The following RBM24 variants were observed in gnomAD, a reference collection of about 807,000 sequenced individuals.
The protein encoded by RBM24 is RNA-binding protein 24.
In RBM24, 5 loss-of-function variants were observed where a neutral mutation model predicts 23.6. The ratio of observed to expected loss-of-function variants is 0.21; its 90% CI spans 0.11 to 0.45. The LOEUF is 0.45. RBM24 is among the 20% of genes least tolerant of loss of function. The probability of loss-of-function intolerance (pLI) is 0.99; values close to 1 mark genes in which losing one functional copy is unlikely to be tolerated. For synonymous variants in RBM24, 151 were observed against 129.5 expected, an observed-to-expected ratio of 1.17 and a Z score of -1.13; for missense variants, 252 against 314.6, an observed-to-expected ratio of 0.80 and a Z score of 1.51.
At chr6:17,282,319 C>CGG (rs1760048532) in intron 1 of RBM24, 2 of 1,163,572 alleles carry the variant, frequency 1.7e-6, no homozygotes, top group Admixed American at 4.6e-5. Context: ...ATTCAGCTGC[C>CGG]GAAGAGCAGG....
chr6:17,286,088 A>T (rs1018931099), intron 3 of RBM24, among the ~76,000 whole-genome samples: 7 of 152,198 alleles, frequency 4.6e-5, no homozygotes, highest in African/African-American at 1.7e-4. Context: ...AAAAGAAATT[A>T]ATAATAACTT....
chr6:17,282,426 C>T (rs1312626478), intron 1 of RBM24: 3 of 508,734 alleles, frequency 5.9e-6, no homozygotes, highest in African/African-American at 2.0e-5. Flanking sequence ...TTAAAGCAAA[C>T]GGTGCCTCTG....
Position 17,282,793 on chromosome 6 carries a change from T to G in RBM24, c.169-12T>G. The G allele has an allele frequency of 6.2e-7, 1 of 1,614,036 alleles. No homozygotes were observed. The highest frequency in any genetic ancestry group is 1.7e-5 in the Admixed American group (1 of 60,026). On this transcript the variant is annotated splice_polypyrimidine_tract_variant and intron_variant, in intron 1 of 3. Transcript: ENST00000379052. ...GGTTATGTATGTATGTCTGTGTGTG[T>G]CTGTTGCTAAGGTCACCATGGCTGA...
At chr6:17,283,733 C>T (rs1262885186) in intron 2 of RBM24, among the ~76,000 whole-genome samples, 1 of 152,098 alleles carries the variant, frequency 6.6e-6, no homozygotes, top group Admixed American at 6.5e-5. Flanking sequence ...GGTAAACCTT[C>T]AACATAAAAT....
intron 3 of RBM24, chr6:17,290,846 T>C: frequency 7.8e-7 from 1 of 1,289,590 alleles, no homozygotes; most frequent in Non-Finnish European, 1.0e-6. Flanking sequence ...CTGTCTTGCA[T>C]AGAGATAAAC....
chr6:17,289,253 C>T (rs1476004668), intron 3 of RBM24: 1 of 985,262 alleles, frequency 1.0e-6, no homozygotes, highest in Non-Finnish European at 1.2e-6. Context: ...TTCCAAAGTG[C>T]CACTTGAACC....
intron 2 of RBM24, 197 bp downstream of exon 2, chr6:17,283,125 T>G (rs1472088835): frequency 3.7e-6 from 2 of 535,960 alleles, no homozygotes; most frequent in African/African-American, 3.8e-5. Context: ...AATGTACCTG[T>G]GTGCAAAAAT....
In RBM24 at chr6:17,292,155, T is replaced by C; in HGVS notation, c.*36T>C. The stretch of plus-strand genomic sequence containing the variant: ...TGATCAAAGTTGAATTGTTTTCTCT[T>C]TCCCTCCCAATTTTCCAATTTTTAG... On this transcript the variant is annotated 3_prime_UTR_variant, in exon 4 of 4. Transcript: ENST00000379052. 1 of 1,461,428 alleles carries C rather than the reference T, an allele frequency of 6.8e-7. No individual in the cohort carries two copies. Among genetic ancestry groups the C allele is most frequent in the Admixed American group, 2.3e-5 (1 of 43,266 alleles). The allele number at this position is 1,461,428 out of a possible 1,614,324, so 90.5% of individuals were successfully genotyped here.
At position 17,292,968 on chromosome 6, in the gene RBM24, C is replaced by T. The variant is rs879744593; in HGVS notation, c.*849C>T. 1 of 152,126 alleles carries T rather than the reference C, an allele frequency of 6.6e-6. No homozygotes were observed. The highest frequency in any genetic ancestry group is 1.5e-5 in the Non-Finnish European group (1 of 68,022). The allele number at this position is 152,126 out of a possible 1,614,324, so 9.4% of individuals were successfully genotyped here. ...TAGGATCAGGCTTTTACTACAACAGCCTTCTCTTTCTATTTATTGTGTCGA... is the reference window on the plus strand; with the variant it reads ...TAGGATCAGGCTTTTACTACAACAGTCTTCTCTTTCTATTTATTGTGTCGA... On this transcript the variant is annotated 3_prime_UTR_variant, in exon 4 of 4. Coordinates refer to ENST00000379052, the MANE Select transcript of RBM24 (RefSeq NM_001143942.2).
rs780392549 is a variant in RBM24, at chr6:17,282,777, T to C, written c.169-28T>C. The C allele has an allele frequency of 1.8e-5, 29 of 1,613,736 alleles. No individual in the cohort carries two copies. The Middle Eastern group carries it at 4.9e-4, about 27-fold the overall frequency. The stretch of plus-strand genomic sequence containing the variant: ...CATGGGTTAATTTAGAGGTTATGTA[T>C]GTATGTCTGTGTGTGTCTGTTGCTA... On this transcript the variant is annotated intron_variant, in intron 1 of 3. Coordinates refer to ENST00000379052, the MANE Select transcript of RBM24 (RefSeq NM_001143942.2).
chr6:17,283,077 C>T, intron 2 of RBM24, 149 bp downstream of exon 2: 1 of 618,178 alleles, frequency 1.6e-6, no homozygotes, highest in South Asian at 2.1e-5. Context: ...AGGCATTAAA[C>T]ATAAATGAGA....
At chr6:17,286,858 G>T (rs1397576365) in intron 3 of RBM24, among the ~76,000 whole-genome samples, 1 of 152,236 alleles carries the variant, frequency 6.6e-6, no homozygotes, top group Non-Finnish European at 1.5e-5. Context: ...GCTGGGCATA[G>T]GAATTTGGAC....
intron 3 of RBM24, chr6:17,288,069 C>T (rs1460471460): frequency 6.3e-6 from 1 of 158,200 alleles, no homozygotes; most frequent in African/African-American, 2.4e-5. Flanking sequence ...TTGTTGAAGG[C>T]ATTGTTAATA....
At chr6:17,289,640 A>C in intron 3 of RBM24, 5 of 985,384 alleles carry the variant, frequency 5.1e-6, no homozygotes, top group Non-Finnish European at 6.0e-6. Flanking sequence ...TGTTCTTGGA[A>C]CTTTGAGAGT....
Position 17,292,255 on chromosome 6 carries a change from A to ATTATT in RBM24, c.*139_*143dup. On this transcript the variant is annotated 3_prime_UTR_variant, in exon 4 of 4. Transcript: ENST00000379052. Reference sequence around the variant, plus strand: ...AGCCATGCTATTGTGAAGCAGAGTTATTATTTTTTTTATACTCCAGGTAGT... The same window carrying ATTATT: ...AGCCATGCTATTGTGAAGCAGAGTTATTATTTTATTTTTTTTATACTCCAGGTAGT... The ATTATT allele has an allele frequency of 2.3e-6, 2 of 878,380 alleles. No individual in the cohort carries two copies. Among genetic ancestry groups the ATTATT allele is most frequent in the Admixed American group, 5.6e-5 (2 of 35,658 alleles). 54.4% of individuals were successfully genotyped at this position (878,380 alleles called of 1,614,324 possible).
chr6:17,285,446 G>A (rs932001977), intron 3 of RBM24, among the ~76,000 whole-genome samples: 2 of 151,524 alleles, frequency 1.3e-5, no homozygotes, highest in Non-Finnish European at 2.9e-5. Context: ...CTTTTAAGCT[G>A]TAGCCTGTGA....
Position 17,281,605 on chromosome 6 carries a change from G to A in RBM24, c.24G>A (p.Thr8=). 1 of 1,548,070 alleles carries A rather than the reference G, an allele frequency of 6.5e-7. No homozygotes were observed. The highest frequency in any genetic ancestry group is 8.7e-7 in the Non-Finnish European group (1 of 1,146,062). ...AGATGCACACGACCCAGAAGGACACGACGTACACCAAGATCTTCGTCGGGG... is the reference window on the plus strand; with the variant it reads ...AGATGCACACGACCCAGAAGGACACAACGTACACCAAGATCTTCGTCGGGG... MHTTQKD[T]TYTKIFVGGL... is the part of the protein sequence containing the mutation. The change falls in exon 1 of 4, where the codon ACG becomes ACA. Residue 8 remains threonine (T), a synonymous_variant. Coordinates refer to ENST00000379052, the MANE Select transcript of RBM24 (RefSeq NM_001143942.2). The surrounding 1 kb of genome is among the most constrained non-coding windows in gnomAD (Gnocchi z 7.1).
chr6:17,288,929 A>G (rs1456901027), intron 3 of RBM24: 26 of 985,334 alleles, frequency 2.6e-5, no homozygotes, highest in Admixed American at 6.1e-5. Context: ...AGTATTTGTC[A>G]TCAGTTGCTG....
Position 17,281,603 on chromosome 6 carries a change from A to G in RBM24, c.22A>G (p.Thr8Ala). The change falls in exon 1 of 4, where the codon ACG (threonine) becomes GCG (alanine). Residue 8 changes from threonine (T) to alanine (A), a missense_variant. Physicochemically the swap from Thr to Ala is moderately conservative, Grantham distance 58. Transcript: ENST00000379052. This position sits in a 1 kb window ranked among gnomAD's most constrained non-coding sequence, Gnocchi z 7.1. MHTTQKD[T>A]TYTKIFVGGL... Reference sequence around the variant, plus strand: ...GAAGATGCACACGACCCAGAAGGACACGACGTACACCAAGATCTTCGTCGG... The same window carrying G: ...GAAGATGCACACGACCCAGAAGGACGCGACGTACACCAAGATCTTCGTCGG... The G allele has an allele frequency of 1.3e-6, 2 of 1,547,642 alleles. No individual in the cohort carries two copies. Among genetic ancestry groups the G allele is most frequent in the Non-Finnish European group, 1.7e-6 (2 of 1,145,904 alleles).
Sources: allele counts gnomAD v4.1 joint callset (sites outside exome capture counted in the v4.1 genomes callset), GRCh38; gene constraint gnomAD v4.1.1; non-coding constraint Gnocchi (gnomAD v3.1); transcripts MANE v1.5; gene names NCBI Gene and HGNC (gene_info 2026-07-23, HGNC 2026-07-21).